Variants in FADS2 observed in about 807,000 individuals in gnomAD.
The protein encoded by FADS2 is acyl-CoA 6-desaturase.
Under a neutral mutation model 61.2 loss-of-function variants are expected in FADS2, and 18 were observed. That is an observed-to-expected ratio of 0.29 (90% confidence interval 0.20 to 0.44). The LOEUF is 0.44. Among genes scored for constraint, FADS2 ranks in the 20% least tolerant of loss-of-function variants. The pLI is 1.00. For synonymous variants in FADS2, 203 were observed against 223.9 expected (o/e 0.91, Z 0.83); for missense variants, 322 against 572.7 (o/e 0.56, Z 4.47).
In FADS2 at chr11:61,840,547, C is replaced by G. The variant is rs762035834; in HGVS notation, c.516+16C>G. 3.1e-6 allele frequency: 5 copies of G among 1,614,024 alleles called. No homozygotes were observed. In the South Asian group the frequency reaches 5.5e-5, roughly 18 times the overall value. On this transcript the variant is annotated intron_variant, in intron 3 of 11. Coordinates refer to ENST00000278840, the MANE Select transcript of FADS2 (RefSeq NM_004265.4). ...TACCTCTCAGGTGAGGCGTGACACCCTCACTTCCCCTAGCTGACAGAGGCC... is the reference window on the plus strand; with the variant it reads ...TACCTCTCAGGTGAGGCGTGACACCGTCACTTCCCCTAGCTGACAGAGGCC...
intron 5 of FADS2, among the ~76,000 whole-genome samples, chr11:61,849,413 C>G (rs1245947803): frequency 6.6e-5 from 10 of 152,116 alleles, no homozygotes; most frequent in Admixed American, 6.5e-4. Context: ...GACCCTGTCT[C>G]TAAAAAAATA....
At chr11:61,831,638 A>G (rs141861609) in intron 1 of FADS2, among the ~76,000 whole-genome samples, 10 of 152,270 alleles carry the variant, frequency 6.6e-5, no homozygotes, top group Non-Finnish European at 1.5e-4. Context: ...AAGTTGCTTG[A>G]TTTTTGCAAC....
At chr11:61,861,057 A>C (rs2067409748) in intron 7 of FADS2, among the ~76,000 whole-genome samples, 1 of 151,912 alleles carries the variant, frequency 6.6e-6, no homozygotes, top group African/African-American at 2.4e-5. Flanking sequence ...AAACTTAAAA[A>C]AAATTATCCA....
intron 5 of FADS2, 75 bp from the exon 6 acceptor site, chr11:61,856,936 G>T: frequency 8.7e-7 from 1 of 1,148,492 alleles, no homozygotes; most frequent in Non-Finnish European, 1.3e-6. Context: ...GATGGTGGCT[G>T]CAGGATGGGT....
chr11:61,816,783 C>T lies in FADS2; in HGVS notation c.141+357C>T, dbSNP rs749035931. ...TAGCTGGCCTGGCGACGCCGCGCGC[C>T]GGGCCAGCAGGGGCTGTCAGGCGCG... On this transcript the variant is annotated intron_variant, in intron 1 of 11. Coordinates refer to the FADS2 transcript ENST00000257261. The surrounding 1 kb of genome is among the most constrained non-coding windows in gnomAD (Gnocchi z 7.0). 2 of 1,518,156 alleles carry T rather than the reference C, an allele frequency of 1.3e-6. No individual in the cohort carries two copies. Among genetic ancestry groups the T allele is most frequent in the South Asian group, 2.5e-5 (2 of 81,590 alleles). The allele number at this position is 1,518,156 out of a possible 1,614,324, so 94.0% of individuals were successfully genotyped here. A position where few individuals can be genotyped will look rare whatever the true frequency, so the allele number is the denominator to read the frequency against.
At chr11:61,864,524 G>A (rs2067445189) in intron 10 of FADS2, among the ~76,000 whole-genome samples, 1 of 152,184 alleles carries the variant, frequency 6.6e-6, no homozygotes, top group South Asian at 2.1e-4. Flanking sequence ...CTCCCACGTA[G>A]CTGGGATTAC....
At chr11:61,854,028 CCCTTGCCCCTGGCCTGCGTCTCTG>C (rs1348482751) in intron 5 of FADS2, among the ~76,000 whole-genome samples, 1 of 152,256 alleles carries the variant, frequency 6.6e-6, no homozygotes, top group Non-Finnish European at 1.5e-5. Context: ...TGCACTCCCT[CCCTTGCCCCTGGCCTGCGTCTCTG>C]CCTGTCAACC....
In FADS2 at chr11:61,840,433, A is replaced by G. The variant is rs1382959508; in HGVS notation, c.418A>G (p.Ile140Val). 4 of 1,614,166 alleles carry G rather than the reference A, an allele frequency of 2.5e-6. No individual in the cohort carries two copies. Among genetic ancestry groups the G allele is most frequent in the East Asian group, 2.2e-5 (1 of 44,894 alleles). Residue 140 changes from isoleucine to valine, a missense_variant, in exon 3 of 12, where the codon ATC becomes GTC. Ile to Val is a conservative substitution (Grantham distance 29). Around this residue, in one of 3 missense-constraint regions of FADS2, gnomAD observed 221 missense variants for 427.9 expected, o/e 0.52. Coordinates refer to ENST00000278840, the MANE Select transcript of FADS2 (RefSeq NM_004265.4). ...GTTCTTCCTCCTCCTCCTGGCCCAC[A>G]TCATCGCCCTGGAGAGCATTGCATG... ...HVFFLLLLAH[I>V]IALESIAWFT...
At chr11:61,837,925 G>T in intron 2 of FADS2, 37 bp downstream of exon 2, 1 of 1,463,356 alleles carries the variant, frequency 6.8e-7, no homozygotes, top group Non-Finnish European at 9.5e-7. Flanking sequence ...GGGTGGAGAC[G>T]AGGCTGGGGG....
Position 61,857,078 on chromosome 11 carries a change from G to A in FADS2, c.805+7G>A, listed in dbSNP as rs776222233. 1 of 1,613,164 alleles carries A rather than the reference G, an allele frequency of 6.2e-7. No individual in the cohort carries two copies. Among genetic ancestry groups the A allele is most frequent in the Non-Finnish European group, 8.5e-7 (1 of 1,179,230 alleles). ...CACGAATACTTCTTCCTGAGTGAGTGCTCGGCGCCCCGAAATCACTCTGGG... is the reference window on the plus strand; with the variant it reads ...CACGAATACTTCTTCCTGAGTGAGTACTCGGCGCCCCGAAATCACTCTGGG... On this transcript the variant is annotated splice_region_variant and intron_variant, in intron 6 of 11. Transcript: ENST00000278840.
chr11:61,824,397 AG>A (rs2067054450), upstream of FADS2, among the ~76,000 whole-genome samples: 1 of 2,676 alleles, frequency 3.7e-4, no homozygotes, highest in Non-Finnish European at 7.7e-4. Context: ...AAAAAAAAAG[AG>A]AGAGAGAGAG....
chr11:61,857,130 G>A lies in FADS2; in HGVS notation c.805+59G>A, dbSNP rs368431635. On this transcript the variant is annotated intron_variant, in intron 6 of 11. Transcript: ENST00000278840. ...CCCTCCCCTCCCCCCAGAGTGGCGT[G>A]TCTCTCCCTCCTACCTGACATCTTT... 110 of 1,379,244 alleles carry A rather than the reference G, an allele frequency of 8.0e-5. No homozygotes were observed. The African/African-American group carries it at 1.3e-3, about 16-fold the overall frequency. The allele number at this position is 1,379,244 out of a possible 1,614,324, so 85.4% of individuals were successfully genotyped here.
chr11:61,862,910 A>G, intron 7 of FADS2, 62 bp from the exon 8 acceptor site: 1 of 1,330,044 alleles, frequency 7.5e-7, no homozygotes, highest in Non-Finnish European at 1.1e-6. Flanking sequence ...CATCTGGGGC[A>G]CGCACTTGGT....
chr11:61,853,501 C>T (rs952331448), intron 5 of FADS2, among the ~76,000 whole-genome samples: 1 of 152,014 alleles, frequency 6.6e-6, no homozygotes, highest in Non-Finnish European at 1.5e-5. Flanking sequence ...GCCATATCCC[C>T]GTTTTCTGAG....
At chr11:61,831,580 C>A (rs888332336) in intron 1 of FADS2, among the ~76,000 whole-genome samples, 1 of 152,174 alleles carries the variant, frequency 6.6e-6, no homozygotes, top group Non-Finnish European at 1.5e-5. Flanking sequence ...GCAACTGTTA[C>A]GTGGTCCTTC....
At chr11:61,838,442 C>G (rs2067192716) in intron 2 of FADS2, among the ~76,000 whole-genome samples, 1 of 152,126 alleles carries the variant, frequency 6.6e-6, no homozygotes, top group Non-Finnish European at 1.5e-5. Context: ...GGACAGGAGG[C>G]AGGGGCAGGG....
chr11:61,856,754 C>G (rs1297601048), intron 5 of FADS2: 1 of 512,002 alleles, frequency 2.0e-6, no homozygotes, highest in Non-Finnish European at 3.5e-6. Flanking sequence ...AAGTGCCGGC[C>G]TTGTAGAGGA....
Position 61,841,853 on chromosome 11 carries a change from T to C in FADS2, c.618+1128T>C, listed in dbSNP as rs1323071136. On this transcript the variant is annotated intron_variant, in intron 4 of 11. Coordinates refer to ENST00000278840, the MANE Select transcript of FADS2 (RefSeq NM_004265.4). The stretch of plus-strand genomic sequence containing the variant: ...AGCTGGCCCAAAGGACAAAAGTCAT[T>C]AGAAGTGCAGGAGTTAAGGAAGTTC... 2.0e-5 allele frequency among the ~76,000 whole-genome samples: 3 copies of C among 152,202 alleles called. No homozygotes were observed. In the East Asian group the frequency reaches 5.8e-4, roughly 29 times the overall value.
At chr11:61,820,017 G>A (rs1224352963) in intron 1 of FADS2, among the ~76,000 whole-genome samples, 1 of 152,042 alleles carries the variant, frequency 6.6e-6, no homozygotes, top group Admixed American at 6.5e-5. Context: ...GAGGCCAGGA[G>A]CTCGAGACCC....
Sources: gnomAD v4.1 joint callset for allele counts (sites outside exome capture counted in the v4.1 genomes callset) on GRCh38, gnomAD v4.1.1 for gene constraint, gnomAD v4.1.1 regional missense constraint, Gnocchi (gnomAD v3.1) non-coding constraint, MANE v1.5 for transcripts, NCBI Gene and HGNC (gene_info 2026-07-23, HGNC 2026-07-21) for gene names.